The following STAT1 variants were observed in gnomAD, a reference collection of about 807,000 sequenced individuals.
STAT1 encodes the protein signal transducer and activator of transcription 1.
STAT1 carries 24 observed loss-of-function variants against 111.7 expected under a neutral mutation model. The observed-to-expected ratio is 0.21, with a 90% confidence interval of 0.16 to 0.30. The LOEUF (loss-of-function observed/expected upper bound fraction) is 0.30, where lower values mean the gene tolerates loss of function less well. Ranked by LOEUF, STAT1 falls within the 10% of genes least tolerant of loss-of-function variation. The pLI is 1.00. For synonymous variants in STAT1, 332 were observed against 326.5 expected, an observed-to-expected ratio of 1.02 and a Z score of -0.18; for missense variants, 351 against 911.9, an observed-to-expected ratio of 0.38 and a Z score of 7.92.
chr2:190,998,354 CA>C lies in STAT1; in HGVS notation c.542-47del. The stretch of plus-strand genomic sequence containing the variant: ...AGTAAATATATAAAGAAGACAAAAC[CA>C]ACAAAAGCCAAGATTCATATAAATT... On this transcript the variant is annotated intron_variant, in intron 7 of 24. Transcript: ENST00000361099. This position sits in a 1 kb window ranked among gnomAD's most constrained non-coding sequence, Gnocchi z 4.1. The C allele has an allele frequency of 1.4e-6, 2 of 1,418,544 alleles. No individual in the cohort carries two copies. The highest frequency in any genetic ancestry group is 2.0e-6 in the Non-Finnish European group (2 of 1,005,384). The allele number at this position is 1,418,544 out of a possible 1,614,324, so 87.9% of individuals were successfully genotyped here.
In STAT1 at chr2:191,003,418, C is replaced by G. The variant is rs11679212; in HGVS notation, c.373-2255G>C. 1.9e-3 allele frequency among the ~76,000 whole-genome samples: 289 copies of G among 152,332 alleles called. No homozygotes were observed. Among genetic ancestry groups the G allele is most frequent in the Middle Eastern group, 0.01 (3 of 294 alleles). ...TTTGGATCTGTGTCCCCACCCAAATCTCATGAATTGTAATCCCCATTGTTG... is the reference window on the plus strand; with the variant it reads ...TTTGGATCTGTGTCCCCACCCAAATGTCATGAATTGTAATCCCCATTGTTG... On this transcript the variant is annotated intron_variant, in intron 5 of 24. Coordinates refer to ENST00000361099, the MANE Select transcript of STAT1 (RefSeq NM_007315.4). The surrounding 1 kb of genome is among the most constrained non-coding windows in gnomAD (Gnocchi z 4.0).
rs1692136060 is a variant in STAT1, at chr2:190,979,070, C to G, written c.1728-69G>C. The stretch of plus-strand genomic sequence containing the variant: ...TGATTTCCATTTTCATGCTAACTTA[C>G]AAACCAAGAAAATGGCTGGAATGTG... On this transcript the variant is annotated intron_variant, in intron 20 of 24. Transcript: ENST00000361099. The surrounding 1 kb of genome is among the most constrained non-coding windows in gnomAD (Gnocchi z 5.8). The G allele has an allele frequency of 9.4e-6, 15 of 1,597,820 alleles. No individual in the cohort carries two copies. The highest frequency in any genetic ancestry group is 1.3e-5 in the Non-Finnish European group (15 of 1,168,462).
intron 2 of STAT1, chr2:191,010,298 C>A (rs1695023694): frequency 2.0e-6 from 1 of 488,354 alleles, no homozygotes; most frequent in Non-Finnish European, 4.2e-6. Flanking sequence ...ACCTCCCACC[C>A]TGGAAACATG....
At chr2:190,991,198 A>T in intron 11 of STAT1, 30 bp downstream of exon 11, 1 of 1,599,820 alleles carries the variant, frequency 6.3e-7, no homozygotes, top group Non-Finnish European at 8.6e-7. Flanking sequence ...GTGACAGGTG[A>T]TGTATGGGAT....
rs748388742 is a variant in STAT1, at chr2:190,974,878, C to T, written c.2190G>A (p.Glu730=). 60 of 1,614,096 alleles carry T rather than the reference C, an allele frequency of 3.7e-5. No individual in the cohort carries two copies. Among genetic ancestry groups the T allele is most frequent in the Non-Finnish European group, 4.8e-5 (57 of 1,180,026 alleles). ...TDNLLPMSPE[E]FDEVSRIVGS... ...CCACTATCCGAGACACCTCGTCAAA[C>T]TCCTCAGGAGACATGGGGAGCAGGT... Residue 730 remains glutamate, a synonymous_variant, in exon 24 of 25, where the codon GAG becomes GAA. Transcript: ENST00000361099. The surrounding 1 kb of genome is among the most constrained non-coding windows in gnomAD (Gnocchi z 4.8).
At chr2:191,010,783 T>C (rs1342778956) in intron 2 of STAT1, among the ~76,000 whole-genome samples, 2 of 152,244 alleles carry the variant, frequency 1.3e-5, no homozygotes, top group African/African-American at 4.8e-5. Context: ...TAAAACATCA[T>C]TAAATGTAAT....
rs1166789861 is a variant in STAT1 at position 191,008,946 on chromosome 2, CA to C, written c.273+16del. ...ACATGAGAACATTTCAACTAAAATA[CA>C]AAAACCAGGTCATACCTGAAGATTA... On this transcript the variant is annotated intron_variant, in intron 4 of 24. Coordinates refer to ENST00000361099, the MANE Select transcript of STAT1 (RefSeq NM_007315.4). 6.2e-7 allele frequency: 1 copy of C among 1,610,322 alleles called. No homozygotes were observed. Among genetic ancestry groups the C allele is most frequent in the Non-Finnish European group, 8.5e-7 (1 of 1,178,020 alleles).
chr2:191,012,188 G>A lies in STAT1; in HGVS notation c.-2+1337C>T, dbSNP rs990246312. On this transcript the variant is annotated intron_variant, in intron 2 of 24. Transcript: ENST00000361099. This position sits in a 1 kb window ranked among gnomAD's most constrained non-coding sequence, Gnocchi z 4.0. ...AGCACTTTCGGAGGCCAAGGTGGGC[G>A]GATTGCCTGAGCTCCGGAGTTCAAG... Among the ~76,000 whole-genome samples the A allele has an allele frequency of 2.6e-5, 4 of 151,782 alleles. No homozygotes were observed. The highest frequency in any genetic ancestry group is 7.3e-5 in the African/African-American group (3 of 41,354).
Position 190,980,508 on chromosome 2 carries a change from A to G in STAT1, c.1632+112T>C. On this transcript the variant is annotated intron_variant, in intron 19 of 24. Transcript: ENST00000361099. The surrounding 1 kb of genome is among the most constrained non-coding windows in gnomAD (Gnocchi z 6.1). Reference sequence around the variant, plus strand: ...TGCCCGAGGGGCTCCTTGGCCAGAGAAGAACACGCCAAAATAAGCAAACAG... The same window carrying G: ...TGCCCGAGGGGCTCCTTGGCCAGAGGAGAACACGCCAAAATAAGCAAACAG... 7.7e-7 allele frequency: 1 copy of G among 1,294,788 alleles called. No individual in the cohort carries two copies. The highest frequency in any genetic ancestry group is 1.5e-5 in the African/African-American group (1 of 68,506). 80.2% of individuals were successfully genotyped at this position (1,294,788 alleles called of 1,614,324 possible). A position where few individuals can be genotyped will look rare whatever the true frequency, so the allele number is the denominator to read the frequency against.
In STAT1 at chr2:190,975,406, G is replaced by T; in HGVS notation, c.2135+406C>A. 1 of 565,736 alleles carries T rather than the reference G, an allele frequency of 1.8e-6. No individual in the cohort carries two copies. Among genetic ancestry groups the T allele is most frequent in the Non-Finnish European group, 3.2e-6 (1 of 311,030 alleles). 35.0% of individuals were successfully genotyped at this position (565,736 alleles called of 1,614,324 possible). A position where few individuals can be genotyped will look rare whatever the true frequency, so the allele number is the denominator to read the frequency against. The stretch of plus-strand genomic sequence containing the variant: ...AGACAGTGCTGCAGGCCAAATAACT[G>T]ACAATGACATTTCCAAAATTTTTTC... On this transcript the variant is annotated intron_variant, in intron 23 of 24. Coordinates refer to ENST00000361099, the MANE Select transcript of STAT1 (RefSeq NM_007315.4). The surrounding 1 kb of genome is among the most constrained non-coding windows in gnomAD (Gnocchi z 5.9).
In STAT1 at chr2:190,983,251, T is replaced by G. The variant is rs1692523197; in HGVS notation, c.1446+391A>C. 6.6e-6 allele frequency among the ~76,000 whole-genome samples: 1 copy of G among 152,210 alleles called. No homozygotes were observed. The highest frequency in any genetic ancestry group is 2.4e-5 in the African/African-American group (1 of 41,452). On this transcript the variant is annotated intron_variant, in intron 17 of 24. Coordinates refer to ENST00000361099, the MANE Select transcript of STAT1 (RefSeq NM_007315.4). The surrounding 1 kb of genome is among the most constrained non-coding windows in gnomAD (Gnocchi z 5.7). ...TTCCCTTAGGAGCAACAATTCATTA[T>G]TTGCTAGTTAAGTGTTCCTGGTGAC... is the stretch of plus-strand genomic sequence containing the variant.
rs370160907 is a variant in STAT1 at position 190,997,825 on chromosome 2, G to A, written c.785+31C>T. ...ATGTGTTTATGTGGTTAGCCAGTCA[G>A]CTGCCAGTTTTCTGCTTTGGAGAAT... On this transcript the variant is annotated intron_variant, in intron 9 of 24. Transcript: ENST00000361099. The surrounding 1 kb of genome is among the most constrained non-coding windows in gnomAD (Gnocchi z 7.3). 6 of 1,613,868 alleles carry A rather than the reference G, an allele frequency of 3.7e-6. No homozygotes were observed. Among genetic ancestry groups the A allele is most frequent in the Admixed American group, 3.3e-5 (2 of 60,024 alleles).
Position 190,989,589 on chromosome 2 carries a change from G to T in STAT1, c.1097+26C>A. 1 of 1,313,600 alleles carries T rather than the reference G, an allele frequency of 7.6e-7. No individual in the cohort carries two copies. The allele number at this position is 1,313,600 out of a possible 1,614,324, so 81.4% of individuals were successfully genotyped here. On this transcript the variant is annotated intron_variant, in intron 12 of 24. Coordinates refer to ENST00000361099, the MANE Select transcript of STAT1 (RefSeq NM_007315.4). This position sits in a 1 kb window ranked among gnomAD's most constrained non-coding sequence, Gnocchi z 5.0. ...ATCAACATTTCAATAGTACATGTAT[G>T]TTATATAATGTTAAAGATATCTTAC...
chr2:190,991,930 G>T (rs1017804540), intron 10 of STAT1, among the ~76,000 whole-genome samples: 4 of 152,224 alleles, frequency 2.6e-5, no homozygotes, highest in South Asian at 4.1e-4. Context: ...AGAATAAAAT[G>T]TGCACTCAAA....
At position 190,983,824 on chromosome 2, in the gene STAT1, G is replaced by C; in HGVS notation, c.1348-84C>G. 1 of 1,123,412 alleles carries C rather than the reference G, an allele frequency of 8.9e-7. No homozygotes were observed. The allele number at this position is 1,123,412 out of a possible 1,614,324, so 69.6% of individuals were successfully genotyped here. ...ACTGCTTAGCCTCAACTAAAAGCAGGGGATTATTTGTAAATTTGTACATAT... is the reference window on the plus strand; with the variant it reads ...ACTGCTTAGCCTCAACTAAAAGCAGCGGATTATTTGTAAATTTGTACATAT... On this transcript the variant is annotated intron_variant, in intron 16 of 24. Transcript: ENST00000361099. The surrounding 1 kb of genome is among the most constrained non-coding windows in gnomAD (Gnocchi z 5.7).
chr2:191,007,725 G>T lies in STAT1; in HGVS notation c.274-64C>A, dbSNP rs568267355. ...CAGAATGTTTACTTTATTGTGTATTGTAAGTTGATATGAATTTGTTTATAT... is the reference window on the plus strand; with the variant it reads ...CAGAATGTTTACTTTATTGTGTATTTTAAGTTGATATGAATTTGTTTATAT... On this transcript the variant is annotated intron_variant, in intron 4 of 24. Coordinates refer to ENST00000361099, the MANE Select transcript of STAT1 (RefSeq NM_007315.4). This position sits in a 1 kb window ranked among gnomAD's most constrained non-coding sequence, Gnocchi z 4.2. The T allele has an allele frequency of 2.2e-5, 27 of 1,202,146 alleles. No homozygotes were observed. The highest frequency in any genetic ancestry group is 2.0e-4 in the Middle Eastern group (1 of 4,988). The allele number at this position is 1,202,146 out of a possible 1,614,324, so 74.5% of individuals were successfully genotyped here.
chr2:191,001,790 CTACT>C (rs1235540643), intron 5 of STAT1, among the ~76,000 whole-genome samples: 2 of 152,174 alleles, frequency 1.3e-5, no homozygotes, highest in African/African-American at 2.4e-5. Flanking sequence ...GACAGGGTCT[CTACT>C]TGCTTCATAC....
Position 190,978,771 on chromosome 2 carries a change from C to CT in STAT1, c.1873+84dup. 4 of 1,552,942 alleles carry CT rather than the reference C, an allele frequency of 2.6e-6. No individual in the cohort carries two copies. Among genetic ancestry groups the CT allele is most frequent in the Non-Finnish European group, 2.6e-6 (3 of 1,142,198 alleles). ...TCTGCAATTTCATGTCCCAAACGCA[C>CT]TATCTGTATGAGCTGACTGGCGGCG... On this transcript the variant is annotated intron_variant, in intron 21 of 24. Transcript: ENST00000361099. The surrounding 1 kb of genome is among the most constrained non-coding windows in gnomAD (Gnocchi z 6.1).
rs775551440 is a variant in STAT1, at chr2:190,998,324, C to G, written c.542-16G>C. On this transcript the variant is annotated splice_polypyrimidine_tract_variant and intron_variant, in intron 7 of 24. Transcript: ENST00000361099. The surrounding 1 kb of genome is among the most constrained non-coding windows in gnomAD (Gnocchi z 4.1). ...GTCTCGTGTTCTATAAATTGAGAGA[C>G]AGCCAGTAAATATATAAAGAAGACA... 1.3e-6 allele frequency: 2 copies of G among 1,591,158 alleles called. No individual in the cohort carries two copies. The highest frequency in any genetic ancestry group is 2.2e-5 in the East Asian group (1 of 44,742).
Sources: allele counts gnomAD v4.1 joint callset (sites outside exome capture counted in the v4.1 genomes callset), GRCh38; gene constraint gnomAD v4.1.1; non-coding constraint Gnocchi (gnomAD v3.1); transcripts MANE v1.5; gene names NCBI Gene and HGNC (gene_info 2026-07-23, HGNC 2026-07-21).